ZMIZ1: variants seen among roughly 807,000 people sequenced by gnomAD.
ZMIZ1 encodes the protein zinc finger MIZ-type containing 1.
A neutral mutation model predicts 113.9 loss-of-function variants in ZMIZ1; 17 were observed. The observed-to-expected ratio is 0.15, with a 90% CI of 0.10 to 0.22. The LOEUF (loss-of-function observed/expected upper bound fraction) is 0.22. Among genes scored for constraint, ZMIZ1 ranks in the 10% least tolerant of loss-of-function variants. The probability of loss-of-function intolerance (pLI) is 1.00; values close to 1 mark genes in which losing one functional copy is unlikely to be tolerated. For missense variants in ZMIZ1, 1,059 were observed against 1,477.8 expected, an observed-to-expected ratio of 0.72 and a Z score of 4.65; for synonymous variants, 607 against 603.1, an observed-to-expected ratio of 1.01 and a Z score of -0.09.
chr10:79,298,932 T>G, intron 15 of ZMIZ1, 118 bp from the exon 16 acceptor site: 1 of 1,366,840 alleles, frequency 7.3e-7, no homozygotes, highest in Non-Finnish European at 9.7e-7. Flanking sequence ...TCTGGCCCTG[T>G]TTACACACCC....
At chr10:79,132,818 C>T (rs1844829886) in intron 2 of ZMIZ1, among the ~76,000 whole-genome samples, 1 of 152,122 alleles carries the variant, frequency 6.6e-6, no homozygotes. Context: ...GGGCCCCTCA[C>T]CCCTGAGTTC....
At chr10:79,145,962 C>G (rs1418840525) in intron 3 of ZMIZ1, among the ~76,000 whole-genome samples, 1 of 152,208 alleles carries the variant, frequency 6.6e-6, no homozygotes, top group Non-Finnish European at 1.5e-5. Flanking sequence ...CCCATCCCAG[C>G]CTCTCAATGT....
chr10:79,083,226 T>A (rs183997910), intron 1 of ZMIZ1, among the ~76,000 whole-genome samples: 52 of 152,266 alleles, frequency 3.4e-4, no homozygotes, highest in African/African-American at 1.2e-3. Context: ...GGTGGTGTGG[T>A]CAGGGAAGGC....
rs751224638 is a variant in ZMIZ1 at position 79,216,390 on chromosome 10, T to C, written c.280+116T>C. 7.1e-6 allele frequency: 6 copies of C among 849,918 alleles called. No individual in the cohort carries two copies. In the Admixed American group the frequency reaches 1.3e-4, roughly 18 times the overall value. 52.6% of individuals were successfully genotyped at this position (849,918 alleles called of 1,614,324 possible). ...GGTGCCTCCATTTGTCTAGGTGTAG[T>C]GCGAACCCCTGAGGAAGAGCAACTC... On this transcript the variant is annotated intron_variant, in intron 7 of 24. Transcript: ENST00000334512.
At chr10:79,276,420 G>A (rs1337273044) in intron 7 of ZMIZ1, among the ~76,000 whole-genome samples, 1 of 152,192 alleles carries the variant, frequency 6.6e-6, no homozygotes, top group African/African-American at 2.4e-5. Flanking sequence ...CCAGTCCCCA[G>A]TTCATGTGGG....
intron 18 of ZMIZ1, among the ~76,000 whole-genome samples, 181 bp downstream of exon 18, chr10:79,302,393 C>T (rs1402205560): frequency 1.3e-5 from 2 of 152,296 alleles, no homozygotes; most frequent in Admixed American, 1.3e-4. Context: ...GGGCTGTTGT[C>T]GTGGTCAGAG....
chr10:79,108,168 TTATTAATA>T lies in ZMIZ1; in HGVS notation c.-336-10746_-336-10739del, dbSNP rs1385768972. On this transcript the variant is annotated intron_variant, in intron 1 of 24. Transcript: ENST00000334512. ...CCACTGTGAGATACAGATGGTTGTA[TTATTAATA>T]GTCATAATTAATCAGCATCCACAGA... Among the ~76,000 whole-genome samples the T allele has an allele frequency of 3.9e-4, 60 of 152,352 alleles. No individual in the cohort carries two copies. The South Asian group carries it at 0.012, about 31-fold the overall frequency.
chr10:79,301,177 C>T (rs1854277043), intron 17 of ZMIZ1, among the ~76,000 whole-genome samples: 1 of 152,162 alleles, frequency 6.6e-6, no homozygotes, highest in Non-Finnish European at 1.5e-5. Context: ...GTGGCCTCTT[C>T]CCCTGGACAC....
chr10:79,157,623 G>A lies in ZMIZ1; in HGVS notation c.-130-4430G>A, dbSNP rs1268954371. On this transcript the variant is annotated intron_variant, in intron 3 of 24. Coordinates refer to ENST00000334512, the MANE Select transcript of ZMIZ1 (RefSeq NM_020338.4). ...GATTTAGGGCTGCTTCATCCTTCTG[G>A]CCCGTGGGCCTTGGCCTGCACCCTG... 2.0e-5 allele frequency among the ~76,000 whole-genome samples: 3 copies of A among 152,248 alleles called. No homozygotes were observed. In the East Asian group the frequency reaches 5.8e-4, roughly 29 times the overall value.
chr10:79,260,703 A>G (rs1244979029), intron 7 of ZMIZ1, among the ~76,000 whole-genome samples: 2 of 152,250 alleles, frequency 1.3e-5, no homozygotes, highest in Admixed American at 1.3e-4. Context: ...GTGAGGTGGA[A>G]TCATCGGATG....
chr10:79,231,967 G>A (rs551428368), intron 7 of ZMIZ1, among the ~76,000 whole-genome samples: 1 of 152,358 alleles, frequency 6.6e-6, no homozygotes, highest in Admixed American at 6.5e-5. Flanking sequence ...TGGAGGCACT[G>A]GGCTGAAATC....
In ZMIZ1 at chr10:79,151,510, C is replaced by T. The variant is rs774735921; in HGVS notation, c.-130-10543C>T. ...TGGCACACTCATCCGGTGTTGGAGC[C>T]CTGATTCAAGAGGGGTCATGGGGCA... On this transcript the variant is annotated intron_variant, in intron 3 of 24. Coordinates refer to ENST00000334512, the MANE Select transcript of ZMIZ1 (RefSeq NM_020338.4). Among the ~76,000 whole-genome samples, 9 of 152,270 alleles carry T rather than the reference C, an allele frequency of 5.9e-5. No individual in the cohort carries two copies. The East Asian group carries it at 1.7e-3, about 29-fold the overall frequency.
intron 1 of ZMIZ1, among the ~76,000 whole-genome samples, chr10:79,094,304 TG>T (rs1455344174): frequency 6.6e-6 from 1 of 152,162 alleles, no homozygotes; most frequent in Non-Finnish European, 1.5e-5. Flanking sequence ...CCACGAACGC[TG>T]GGGCCAAGGC....
chr10:79,275,285 G>A (rs1161379708), intron 7 of ZMIZ1, among the ~76,000 whole-genome samples: 3 of 152,198 alleles, frequency 2.0e-5, no homozygotes, highest in Non-Finnish European at 4.4e-5. Context: ...CTCTCATACT[G>A]TCCTCCTTTT....
chr10:79,208,538 G>A (rs1848422704), intron 6 of ZMIZ1, 89 bp downstream of exon 6: 1 of 1,110,032 alleles, frequency 9.0e-7, no homozygotes, highest in South Asian at 1.4e-5. Flanking sequence ...GAGGTTGTCA[G>A]ACATTGGGAG....
intron 24 of ZMIZ1, 138 bp downstream of exon 24, chr10:79,311,322 TGGCTCCAG>T: frequency 1.8e-6 from 2 of 1,083,188 alleles, no homozygotes; most frequent in Non-Finnish European, 2.5e-6. Flanking sequence ...CACCCAGACC[TGGCTCCAG>T]ACCAGGAAGC....
At chr10:79,156,915 C>T (rs934368267) in intron 3 of ZMIZ1, among the ~76,000 whole-genome samples, 3 of 152,180 alleles carry the variant, frequency 2.0e-5, no homozygotes, top group African/African-American at 7.2e-5. Flanking sequence ...CTACCAGGTC[C>T]CTGTCCTTAT....
chr10:79,250,893 CA>C (rs1274324540), intron 7 of ZMIZ1, among the ~76,000 whole-genome samples: 1 of 152,204 alleles, frequency 6.6e-6, no homozygotes, highest in Non-Finnish European at 1.5e-5. Flanking sequence ...TAGGTCCTGG[CA>C]CCCACGGTGT....
intron 4 of ZMIZ1, among the ~76,000 whole-genome samples, chr10:79,181,697 TGCCTCAGGCCA>T (rs35537939): frequency 0.31 from 47,357 of 151,874 alleles, 8,236 homozygotes; most frequent in East Asian, 0.49. Context: ...GGCCTCATCC[TGCCTCAGGCCA>T]GCCTCAGGCC....
Sources: gnomAD v4.1 joint callset for allele counts (sites outside exome capture counted in the v4.1 genomes callset) on GRCh38, gnomAD v4.1.1 for gene constraint, MANE v1.5 for transcripts, NCBI Gene and HGNC (gene_info 2026-07-23, HGNC 2026-07-21) for gene names.